RGS5: variants seen among roughly 807,000 people sequenced by gnomAD.
The protein encoded by RGS5 is regulator of G protein signaling 5.
In RGS5, 20 loss-of-function variants were observed where a neutral mutation model predicts 18.9. The observed-to-expected ratio is 1.06, with a 90% confidence interval of 0.74 to 1.54. The LOEUF (loss-of-function observed/expected upper bound fraction) is 1.54. RGS5 is among the 40% of genes most tolerant of loss of function. The pLI, the probability that RGS5 is intolerant of heterozygous loss-of-function variation, is 0.00. For missense variants in RGS5, 201 were observed against 211.8 expected (o/e 0.95, Z 0.32); for synonymous variants, 57 against 76.2 (o/e 0.75, Z 1.31).
chr1:163,209,590 G>A (rs887633721), intron 1 of RGS5, among the ~76,000 whole-genome samples: 5 of 151,974 alleles, frequency 3.3e-5, no homozygotes, highest in Admixed American at 1.3e-4. Flanking sequence ...GGTTTTATAC[G>A]TTTCTTGCTA....
rs1277345703 is a variant in RGS5 at position 163,146,880 on chromosome 1, T to C, written c.*462A>G. ...TCTTATAAACTTTTATTAACCAAGT[T>C]CAGAAATAATTAGAGGGGTGATCTC... On this transcript the variant is annotated 3_prime_UTR_variant, in exon 5 of 5. Coordinates refer to ENST00000313961, the MANE Select transcript of RGS5 (RefSeq NM_003617.4). 2 of 152,352 alleles carry C rather than the reference T, an allele frequency of 1.3e-5. No homozygotes were observed. The highest frequency in any genetic ancestry group is 4.8e-5 in the African/African-American group (2 of 41,460). The allele number at this position is 152,352 out of a possible 1,614,324, so 9.4% of individuals were successfully genotyped here.
chr1:163,168,136 G>A, intron 2 of RGS5, 122 bp downstream of exon 2: 1 of 663,130 alleles, frequency 1.5e-6, no homozygotes, highest in South Asian at 2.5e-5. Flanking sequence ...ACTCTCTGAG[G>A]GCTCTTATGA....
intron 2 of RGS5, among the ~76,000 whole-genome samples, chr1:163,241,485 G>T (rs1647791375): frequency 6.6e-6 from 1 of 152,152 alleles, no homozygotes; most frequent in East Asian, 1.9e-4. Flanking sequence ...ATATTTTCTT[G>T]TGATAAAATT....
chr1:163,300,202 G>A (rs531759253), intron 2 of RGS5, among the ~76,000 whole-genome samples: 1 of 152,322 alleles, frequency 6.6e-6, no homozygotes, highest in African/African-American at 2.4e-5. Context: ...CTAAGGCTTG[G>A]AGAAAAGATG....
At chr1:163,268,075 T>G (rs555946758) in intron 2 of RGS5, among the ~76,000 whole-genome samples, 1 of 152,200 alleles carries the variant, frequency 6.6e-6, no homozygotes, top group Admixed American at 6.5e-5. Context: ...GTGGCTTTAC[T>G]AGATAACTCA....
intron 1 of RGS5, among the ~76,000 whole-genome samples, chr1:163,315,883 T>C (rs1454347806): frequency 6.6e-6 from 1 of 152,204 alleles, no homozygotes; most frequent in Non-Finnish European, 1.5e-5. Flanking sequence ...ATCCAGAACA[T>C]TGTGTTCAAT....
chr1:163,186,172 G>C (rs1659064065), intron 1 of RGS5, among the ~76,000 whole-genome samples: 1 of 151,110 alleles, frequency 6.6e-6, no homozygotes, highest in Non-Finnish European at 1.5e-5. Flanking sequence ...CTAGGTTCAA[G>C]CAATTTCCCT....
upstream of RGS5, among the ~76,000 whole-genome samples, chr1:163,205,715 A>G (rs1659939575): frequency 6.6e-6 from 1 of 152,208 alleles, no homozygotes; most frequent in Non-Finnish European, 1.5e-5. Flanking sequence ...GGAAGGAGTT[A>G]GCTGTGCAAG....
At chr1:163,182,851 C>A (rs576030962) in intron 1 of RGS5, among the ~76,000 whole-genome samples, 2 of 151,864 alleles carry the variant, frequency 1.3e-5, no homozygotes, top group Non-Finnish European at 2.9e-5. Flanking sequence ...AATTATACTG[C>A]GGGACTTTAT....
At chr1:163,257,580 T>C (rs925499816) in intron 2 of RGS5, among the ~76,000 whole-genome samples, 9 of 152,208 alleles carry the variant, frequency 5.9e-5, no homozygotes, top group Admixed American at 5.9e-4. Context: ...CTTTTGTATC[T>C]ATTTTGCTTT....
At chr1:163,307,390 G>A (rs1032410630) in intron 1 of RGS5, among the ~76,000 whole-genome samples, 1 of 152,090 alleles carries the variant, frequency 6.6e-6, no homozygotes, top group East Asian at 1.9e-4. Flanking sequence ...AATTTTATGT[G>A]TGACATGAAA....
At chr1:163,300,315 TA>T (rs1260096115) in intron 2 of RGS5, 1 of 152,256 alleles carries the variant, frequency 6.6e-6, no homozygotes, top group Non-Finnish European at 1.5e-5. Flanking sequence ...AGCTAAGTTC[TA>T]AAGCAGCCTA....
At chr1:163,188,083 G>T (rs1455064328) in intron 1 of RGS5, among the ~76,000 whole-genome samples, 1 of 152,024 alleles carries the variant, frequency 6.6e-6, no homozygotes, top group Admixed American at 6.6e-5. Flanking sequence ...TACGGCTTGA[G>T]GAGAGTTTTT....
At chr1:163,189,866 C>A (rs1659269121) in intron 1 of RGS5, among the ~76,000 whole-genome samples, 1 of 152,082 alleles carries the variant, frequency 6.6e-6, no homozygotes, top group Admixed American at 6.6e-5. Context: ...GTACCAAAAC[C>A]CACTGGTAAA....
At chr1:163,258,139 AC>A (rs1368223105) in intron 2 of RGS5, among the ~76,000 whole-genome samples, 2 of 152,262 alleles carry the variant, frequency 1.3e-5, no homozygotes, top group Non-Finnish European at 2.9e-5. Flanking sequence ...AATGCCATTT[AC>A]AACCTTTGTG....
intron 2 of RGS5, among the ~76,000 whole-genome samples, chr1:163,225,493 T>C (rs1647313482): frequency 6.6e-6 from 1 of 152,174 alleles, no homozygotes; most frequent in African/African-American, 2.4e-5. Context: ...TAGAGGCTTT[T>C]TTAGGGCTCT....
chr1:163,281,785 T>C (rs1648997581), intron 2 of RGS5, among the ~76,000 whole-genome samples: 1 of 152,148 alleles, frequency 6.6e-6, no homozygotes, highest in Non-Finnish European at 1.5e-5. Context: ...GTCAACTTAT[T>C]TTGGACAAAG....
intron 4 of RGS5, among the ~76,000 whole-genome samples, chr1:163,148,489 T>C (rs1209408489): frequency 6.6e-6 from 1 of 152,224 alleles, no homozygotes; most frequent in Non-Finnish European, 1.5e-5. Context: ...TTTAATCTTA[T>C]AACTCTATGA....
At chr1:163,152,075 A>G (rs541632961) in intron 4 of RGS5, among the ~76,000 whole-genome samples, 1 of 152,192 alleles carries the variant, frequency 6.6e-6, no homozygotes, top group South Asian at 2.1e-4. Flanking sequence ...ACAAGAGGTC[A>G]GTGGAATTTT....
Sources: gnomAD v4.1 joint callset for allele counts (sites outside exome capture counted in the v4.1 genomes callset) on GRCh38, gnomAD v4.1.1 for gene constraint, MANE v1.5 for transcripts, NCBI Gene and HGNC (gene_info 2026-07-23, HGNC 2026-07-21) for gene names.